Variants in LRRC17 observed in about 807,000 individuals in gnomAD.
The protein encoded by LRRC17 is leucine rich repeat containing 17.
In LRRC17, 33 loss-of-function variants were observed where a neutral mutation model predicts 41.5. The ratio of observed to expected loss-of-function variants is 0.80; its 90% confidence interval spans 0.60 to 1.06. The LOEUF (loss-of-function observed/expected upper bound fraction) is 1.06, where lower values mean the gene tolerates loss of function less well. LRRC17 is among the 50% of genes least tolerant of loss of function. The pLI is 0.00. For missense variants in LRRC17, 491 were observed against 519.3 expected, an observed-to-expected ratio of 0.95 and a Z score of 0.53; for synonymous variants, 192 against 197.0, an observed-to-expected ratio of 0.97 and a Z score of 0.21.
At chr7:102,922,746 G>A (rs2129471134) in intron 1 of LRRC17, among the ~76,000 whole-genome samples, 1 of 152,244 alleles carries the variant, frequency 6.6e-6, no homozygotes, top group East Asian at 1.9e-4. Context: ...GCCGAGGCGG[G>A]CGGATCACGA....
intron 1 of LRRC17, among the ~76,000 whole-genome samples, chr7:102,921,362 T>C (rs969030962): frequency 1.3e-5 from 2 of 152,138 alleles, no homozygotes; most frequent in Non-Finnish European, 2.9e-5. Flanking sequence ...TATATGTATA[T>C]ACACACAGAA....
chr7:102,929,427 C>T (rs1369996614), intron 1 of LRRC17, among the ~76,000 whole-genome samples: 2 of 152,008 alleles, frequency 1.3e-5, no homozygotes, highest in East Asian at 3.9e-4. Flanking sequence ...TTTGGGAGGC[C>T]GAGGCGGGTG....
At chr7:102,924,234 G>A (rs1277368295) in intron 1 of LRRC17, among the ~76,000 whole-genome samples, 3 of 138,870 alleles carry the variant, frequency 2.2e-5, no homozygotes, top group African/African-American at 5.4e-5. Flanking sequence ...GCAAAACTCC[G>A]TCTCAAAAAA....
chr7:102,930,870 T>A (rs1819045257), intron 1 of LRRC17, among the ~76,000 whole-genome samples: 1 of 152,224 alleles, frequency 6.6e-6, no homozygotes, highest in African/African-American at 2.4e-5. Context: ...CTACTTGGTA[T>A]CTCCAGATAG....
chr7:102,917,564 G>C (rs1177601599), intron 1 of LRRC17, among the ~76,000 whole-genome samples: 1 of 152,176 alleles, frequency 6.6e-6, no homozygotes. Context: ...GAAGGAGAAA[G>C]GCACTGCAGC....
At chr7:102,925,197 C>T (rs1195667736) in intron 1 of LRRC17, among the ~76,000 whole-genome samples, 1 of 152,064 alleles carries the variant, frequency 6.6e-6, no homozygotes, top group Admixed American at 6.5e-5. Flanking sequence ...AGTTTCAGAC[C>T]AGCCTGGGCA....
At chr7:102,943,354 A>T (rs1198073790) in intron 3 of LRRC17, among the ~76,000 whole-genome samples, 1 of 152,010 alleles carries the variant, frequency 6.6e-6, no homozygotes, top group Non-Finnish European at 1.5e-5. Context: ...AAAAAAGCCC[A>T]AAATACATTT....
At chr7:102,927,280 T>A (rs1031197936) in intron 1 of LRRC17, among the ~76,000 whole-genome samples, 1 of 152,190 alleles carries the variant, frequency 6.6e-6, no homozygotes, top group Non-Finnish European at 1.5e-5. Context: ...TAAGTATTAG[T>A]GGTGCATGCA....
chr7:102,915,270 T>C (rs1815620064), intron 1 of LRRC17, among the ~76,000 whole-genome samples: 1 of 151,932 alleles, frequency 6.6e-6, no homozygotes, highest in Non-Finnish European at 1.5e-5. Flanking sequence ...GAAGTAACAG[T>C]ATTATCTTGA....
At chr7:102,924,012 G>C (rs1817584605) in intron 1 of LRRC17, among the ~76,000 whole-genome samples, 1 of 152,138 alleles carries the variant, frequency 6.6e-6, no homozygotes, top group Non-Finnish European at 1.5e-5. Flanking sequence ...GGCCAAGGAG[G>C]GTGGATCATC....
At chr7:102,932,341 ATATC>A (rs1819345350) in intron 1 of LRRC17, among the ~76,000 whole-genome samples, 1 of 152,188 alleles carries the variant, frequency 6.6e-6, no homozygotes, top group South Asian at 2.1e-4. Flanking sequence ...TGTACAATAA[ATATC>A]TATATAGCCA....
At chr7:102,938,335 A>T (rs527915915) in intron 2 of LRRC17, among the ~76,000 whole-genome samples, 29 of 152,340 alleles carry the variant, frequency 1.9e-4, no homozygotes, top group Middle Eastern at 3.4e-3. Context: ...CTACAGCTTG[A>T]ACAATAGTTA....
rs78879003 is a variant in LRRC17 at position 102,943,076 on chromosome 7, A to C, written c.929-1134A>C. Among the ~76,000 whole-genome samples the C allele has an allele frequency of 4.5e-3, 690 of 152,296 alleles. 5 individuals carry two copies. Among genetic ancestry groups the C allele is most frequent in the African/African-American group, 0.016 (661 of 41,554 alleles). ...AAATACATATGGATTCAAAGCTGATAGCTACCATAGTTTGCCAAAATACAA... is the reference window on the plus strand; with the variant it reads ...AAATACATATGGATTCAAAGCTGATCGCTACCATAGTTTGCCAAAATACAA... On this transcript the variant is annotated intron_variant, in intron 3 of 3. Transcript: ENST00000339431.
At chr7:102,935,628 CAG>C (rs2129474015) in intron 2 of LRRC17, among the ~76,000 whole-genome samples, 2 of 152,188 alleles carry the variant, frequency 1.3e-5, no homozygotes, top group African/African-American at 4.8e-5. Flanking sequence ...GCTAAGAAAA[CAG>C]ACGGGAGATT....
chr7:102,920,957 G>A (rs1050947606), intron 1 of LRRC17, among the ~76,000 whole-genome samples: 10 of 151,996 alleles, frequency 6.6e-5, no homozygotes, highest in African/African-American at 2.4e-4. Flanking sequence ...TTCGAGACCG[G>A]CCTGGCCAAC....
chr7:102,934,916 C>T (rs1489373825), intron 2 of LRRC17, among the ~76,000 whole-genome samples: 2 of 152,144 alleles, frequency 1.3e-5, no homozygotes, highest in Admixed American at 1.3e-4. Context: ...AGGAGGGCAG[C>T]CATTTGGGTT....
At chr7:102,923,859 T>C (rs765202296) in intron 1 of LRRC17, among the ~76,000 whole-genome samples, 1 of 151,856 alleles carries the variant, frequency 6.6e-6, no homozygotes, top group African/African-American at 2.4e-5. Flanking sequence ...ATTTTAGATA[T>C]ATAAGAAGGA....
intron 3 of LRRC17, among the ~76,000 whole-genome samples, chr7:102,941,426 C>T (rs1170829442): frequency 2.0e-5 from 3 of 152,264 alleles, no homozygotes; most frequent in East Asian, 3.9e-4. Context: ...CAAGCCCCTA[C>T]CTAGCAAATT....
At chr7:102,923,814 G>T (rs761699100) in intron 1 of LRRC17, among the ~76,000 whole-genome samples, 1 of 151,804 alleles carries the variant, frequency 6.6e-6, no homozygotes, top group Non-Finnish European at 1.5e-5. Flanking sequence ...GACAGAGCAA[G>T]ATGCCATCTC....
Sources: gnomAD v4.1 joint callset for allele counts (sites outside exome capture counted in the v4.1 genomes callset) on GRCh38, gnomAD v4.1.1 for gene constraint, MANE v1.5 for transcripts, NCBI Gene and HGNC (gene_info 2026-07-23, HGNC 2026-07-21) for gene names.